Variants in EPHA6 observed in about 807,000 individuals in gnomAD.
EPHA6 encodes the protein ephrin type-A receptor 6.
EPHA6 carries 50 observed loss-of-function variants against 112.0 expected under a neutral mutation model. The observed-to-expected ratio is 0.45, with a 90% CI of 0.36 to 0.56. EPHA6 has a LOEUF of 0.56. Among genes scored for constraint, EPHA6 ranks in the 20% least tolerant of loss-of-function variants. The pLI, the probability that EPHA6 is intolerant of heterozygous loss-of-function variation, is 0.00. For synonymous variants in EPHA6, 529 were observed against 490.7 expected, an observed-to-expected ratio of 1.08 and a Z score of -1.03; for missense variants, 1,280 against 1,417.4, an observed-to-expected ratio of 0.90 and a Z score of 1.56.
intron 3 of EPHA6, among the ~76,000 whole-genome samples, chr3:97,017,652 C>G (rs1277359792): frequency 6.6e-6 from 1 of 152,154 alleles, no homozygotes; most frequent in Non-Finnish European, 1.5e-5. Context: ...AATGCTCATG[C>G]TGCTAGATGT....
At chr3:97,635,362 A>C (rs1481824459) in intron 13 of EPHA6, among the ~76,000 whole-genome samples, 1 of 152,158 alleles carries the variant, frequency 6.6e-6, no homozygotes, top group Admixed American at 6.6e-5. Context: ...TGACAAAAAT[A>C]TTTTAAGGTT....
At chr3:97,638,907 A>C (rs902454247) in intron 14 of EPHA6, among the ~76,000 whole-genome samples, 1 of 152,026 alleles carries the variant, frequency 6.6e-6, no homozygotes, top group Non-Finnish European at 1.5e-5. Context: ...TTATATTCTT[A>C]TTTTCTCACT....
At chr3:97,542,869 G>GT in intron 11 of EPHA6, among the ~76,000 whole-genome samples, 1 of 152,138 alleles carries the variant, frequency 6.6e-6, no homozygotes, top group Non-Finnish European at 1.5e-5. Context: ...TTTTTCGTGT[G>GT]TTTTTTGGCT....
intron 2 of EPHA6, among the ~76,000 whole-genome samples, chr3:96,871,277 G>C (rs899703566): frequency 7.2e-5 from 11 of 151,928 alleles, no homozygotes; most frequent in African/African-American, 2.7e-4. Flanking sequence ...CCACATAAGG[G>C]AAAGGACTTG....
At chr3:97,464,044 T>A (rs1398787939) in intron 7 of EPHA6, among the ~76,000 whole-genome samples, 2 of 152,158 alleles carry the variant, frequency 1.3e-5, no homozygotes, top group African/African-American at 2.4e-5. Flanking sequence ...CAGCCACCAA[T>A]CTCTGTTTTG....
At chr3:97,088,610 G>A (rs1238247451) in intron 3 of EPHA6, among the ~76,000 whole-genome samples, 1 of 152,114 alleles carries the variant, frequency 6.6e-6, no homozygotes, top group Non-Finnish European at 1.5e-5. Context: ...TTTTGTGTTT[G>A]ATGTTTTCAT....
At chr3:97,272,194 G>C (rs1051321829) in intron 5 of EPHA6, among the ~76,000 whole-genome samples, 1 of 152,014 alleles carries the variant, frequency 6.6e-6, no homozygotes, top group African/African-American at 2.4e-5. Context: ...TTTTCCTTTA[G>C]GGGTCTGCCT....
chr3:96,935,507 A>G (rs2040532794), intron 2 of EPHA6, among the ~76,000 whole-genome samples: 1 of 150,368 alleles, frequency 6.7e-6, no homozygotes, highest in Admixed American at 6.7e-5. Flanking sequence ...TTCATTTCAT[A>G]TATTCTAGAT....
chr3:97,329,151 C>CT (rs1553748156), intron 5 of EPHA6, among the ~76,000 whole-genome samples: 2 of 151,988 alleles, frequency 1.3e-5, no homozygotes, highest in African/African-American at 4.8e-5. Context: ...TGAACTCATC[C>CT]TTTTTTATGG....
intron 2 of EPHA6, among the ~76,000 whole-genome samples, chr3:96,947,297 G>A (rs999000563): frequency 1.3e-5 from 2 of 151,986 alleles, no homozygotes; most frequent in African/African-American, 4.8e-5. Context: ...TTTCTTCTAG[G>A]GTTTTTATGG....
chr3:96,903,225 T>C (rs976751963), intron 2 of EPHA6, among the ~76,000 whole-genome samples: 7 of 152,068 alleles, frequency 4.6e-5, no homozygotes, highest in Admixed American at 3.9e-4. Context: ...GCTCAGATGA[T>C]TGGCAAGTAT....
At chr3:97,073,174 A>G (rs1301403763) in intron 3 of EPHA6, among the ~76,000 whole-genome samples, 1 of 152,190 alleles carries the variant, frequency 6.6e-6, no homozygotes, top group Non-Finnish European at 1.5e-5. Context: ...TTACAGATGT[A>G]TGATGTGTAC....
At chr3:97,206,384 A>G (rs1372283082) in intron 3 of EPHA6, among the ~76,000 whole-genome samples, 1 of 152,120 alleles carries the variant, frequency 6.6e-6, no homozygotes, top group African/African-American at 2.4e-5. Flanking sequence ...AGGCCGCCTT[A>G]TAAGACCCTT....
At chr3:96,998,745 AAGAG>A (rs1392811046) in intron 3 of EPHA6, among the ~76,000 whole-genome samples, 1 of 151,684 alleles carries the variant, frequency 6.6e-6, no homozygotes, top group Non-Finnish European at 1.5e-5. Flanking sequence ...TAACCTGAGA[AAGAG>A]AGAGACAGAG....
At chr3:97,659,003 T>C (rs2094153239) in intron 14 of EPHA6, among the ~76,000 whole-genome samples, 1 of 151,926 alleles carries the variant, frequency 6.6e-6, no homozygotes, top group South Asian at 2.1e-4. Flanking sequence ...TAATAAGCCA[T>C]GATAAAAAAG....
intron 5 of EPHA6, among the ~76,000 whole-genome samples, chr3:97,319,519 A>T (rs968753044): frequency 9.2e-5 from 14 of 151,640 alleles, no homozygotes; most frequent in African/African-American, 3.4e-4. Flanking sequence ...AATGCAAAAA[A>T]ATTAGCCAGA....
chr3:97,570,328 T>TGTCA (rs1438728301), intron 11 of EPHA6, among the ~76,000 whole-genome samples: 1 of 152,164 alleles, frequency 6.6e-6, no homozygotes, highest in East Asian at 1.9e-4. Flanking sequence ...GGAGAAGTGG[T>TGTCA]GTCAGCAAGT....
At chr3:97,432,607 C>G (rs551133330) in intron 6 of EPHA6, among the ~76,000 whole-genome samples, 2 of 152,216 alleles carry the variant, frequency 1.3e-5, no homozygotes, top group Non-Finnish European at 2.9e-5. Flanking sequence ...TGTTCTCATA[C>G]TGCTATGAAG....
At chr3:97,062,318 T>C (rs1316679971) in intron 3 of EPHA6, among the ~76,000 whole-genome samples, 1 of 151,664 alleles carries the variant, frequency 6.6e-6, no homozygotes, top group South Asian at 2.1e-4. Flanking sequence ...GATTGGCTAA[T>C]AAGAAGTAAA....
Sources: allele counts gnomAD v4.1 joint callset (sites outside exome capture counted in the v4.1 genomes callset), GRCh38; gene constraint gnomAD v4.1.1; transcripts MANE v1.5; gene names NCBI Gene and HGNC (gene_info 2026-07-23, HGNC 2026-07-21).